MECOM: variants seen among roughly 807,000 people sequenced by gnomAD.
The protein encoded by MECOM is MDS1 and EVI1 complex locus.
MECOM carries 13 observed loss-of-function variants against 116.3 expected under a neutral mutation model. That is an observed-to-expected ratio of 0.11 (90% CI 0.07 to 0.18). The LOEUF is 0.18. MECOM is among the 10% of genes least tolerant of loss of function. MECOM has a pLI of 1.00. For missense variants in MECOM, 1,299 were observed against 1,509.0 expected (o/e 0.86, Z 2.31); for synonymous variants, 528 against 535.2 (o/e 0.99, Z 0.19).
At chr3:169,466,068 A>T (rs1206806303) in intron 1 of MECOM, among the ~76,000 whole-genome samples, 1 of 151,508 alleles carries the variant, frequency 6.6e-6, no homozygotes, top group Non-Finnish European at 1.5e-5. Flanking sequence ...TTTTGTTGCC[A>T]TCTGAACACT....
At position 169,574,856 on chromosome 3, in the gene MECOM, A is replaced by C. The variant is rs111250365; in HGVS notation, c.37+88480T>G. Reference sequence around the variant, plus strand: ...AAAAAAAAAACTTTTCAATTCAATGAGGGGAGGGAGAAAACACAAAACTTG... The same window carrying C: ...AAAAAAAAAACTTTTCAATTCAATGCGGGGAGGGAGAAAACACAAAACTTG... On this transcript the variant is annotated intron_variant, in intron 1 of 16. Transcript: ENST00000651503. 9.2e-3 allele frequency among the ~76,000 whole-genome samples: 1,398 copies of C among 151,940 alleles called. 9 individuals carry two copies. The highest frequency in any genetic ancestry group is 0.024 in the Middle Eastern group (7 of 294).
At position 169,659,943 on chromosome 3, in the gene MECOM, G is replaced by A. The variant is rs568659448; in HGVS notation, c.37+3393C>T. Among the ~76,000 whole-genome samples the A allele has an allele frequency of 2.6e-5, 4 of 152,220 alleles. No individual in the cohort carries two copies. In the South Asian group the frequency reaches 8.3e-4, roughly 32 times the overall value. On this transcript the variant is annotated intron_variant, in intron 1 of 16. Transcript: ENST00000651503. Reference sequence around the variant, plus strand: ...TTGCCGCGGTCTTGCTAATCGCATCGCCTTTTGAGACTTTACGAGACTTCT... The same window carrying A: ...TTGCCGCGGTCTTGCTAATCGCATCACCTTTTGAGACTTTACGAGACTTCT...
intron 1 of MECOM, among the ~76,000 whole-genome samples, chr3:169,627,169 T>C (rs1008582236): frequency 6.6e-6 from 1 of 152,198 alleles, no homozygotes; most frequent in Non-Finnish European, 1.5e-5. Flanking sequence ...ATTGACAGTT[T>C]TACGAGACTG....
chr3:169,107,411 T>G (rs1725790544), intron 10 of MECOM, among the ~76,000 whole-genome samples: 1 of 152,152 alleles, frequency 6.6e-6, no homozygotes, highest in Admixed American at 6.6e-5. Flanking sequence ...ATCCATTCAC[T>G]AGTTACACAT....
At chr3:169,285,500 T>A (rs1713094296) in intron 2 of MECOM, among the ~76,000 whole-genome samples, 1 of 152,232 alleles carries the variant, frequency 6.6e-6, no homozygotes, top group African/African-American at 2.4e-5. Context: ...CAGCTGAATT[T>A]GCATGCAATA....
chr3:169,306,828 C>A (rs572106707), intron 2 of MECOM, among the ~76,000 whole-genome samples: 4 of 152,306 alleles, frequency 2.6e-5, no homozygotes, highest in Non-Finnish European at 5.9e-5. Context: ...AAAGTGTGGG[C>A]AAGGCCTAGG....
At chr3:169,284,599 G>A (rs1196334378) in intron 2 of MECOM, among the ~76,000 whole-genome samples, 1 of 151,838 alleles carries the variant, frequency 6.6e-6, no homozygotes, top group Non-Finnish European at 1.5e-5. Flanking sequence ...ACACAAATGT[G>A]TGTGTATATA....
intron 2 of MECOM, among the ~76,000 whole-genome samples, chr3:169,245,673 TA>T (rs1755492237): frequency 6.6e-6 from 1 of 152,188 alleles, no homozygotes; most frequent in African/African-American, 2.4e-5. Flanking sequence ...CCTCTCCAAG[TA>T]AAAATATGCT....
intron 1 of MECOM, among the ~76,000 whole-genome samples, chr3:169,433,577 G>GA (rs1162381371): frequency 6.4e-5 from 9 of 141,474 alleles, no homozygotes; most frequent in Non-Finnish European, 1.4e-4. Flanking sequence ...AGGAAGGAAG[G>GA]AAAAAAGGAA....
chr3:169,310,845 AT>A (rs1459591349), intron 2 of MECOM, among the ~76,000 whole-genome samples: 1 of 152,180 alleles, frequency 6.6e-6, no homozygotes, highest in East Asian at 1.9e-4. Context: ...TCTTAAAAGG[AT>A]TTTAGACTGC....
chr3:169,303,385 A>G (rs1717115755), intron 2 of MECOM, among the ~76,000 whole-genome samples: 3 of 152,166 alleles, frequency 2.0e-5, no homozygotes, highest in Admixed American at 1.3e-4. Context: ...TTTATTCAAT[A>G]TATGTTTACT....
At chr3:169,265,591 G>A (rs1758177836) in intron 2 of MECOM, among the ~76,000 whole-genome samples, 1 of 152,220 alleles carries the variant, frequency 6.6e-6, no homozygotes, top group South Asian at 2.1e-4. Context: ...TGGAATGAAG[G>A]AGTGTGTGAC....
chr3:169,643,141 G>A (rs962332321), intron 1 of MECOM, among the ~76,000 whole-genome samples: 19 of 152,128 alleles, frequency 1.2e-4, no homozygotes, highest in Admixed American at 1.2e-3. Flanking sequence ...TTATACAAGG[G>A]CAGAAATGTT....
intron 2 of MECOM, among the ~76,000 whole-genome samples, chr3:169,375,100 A>T (rs759896721): frequency 1.9e-4 from 29 of 152,040 alleles, no homozygotes; most frequent in Non-Finnish European, 4.1e-4. Context: ...TTGAGGAATG[A>T]ATAGAAACTT....
At chr3:169,126,014 A>T (rs964176431) in intron 5 of MECOM, among the ~76,000 whole-genome samples, 2 of 152,246 alleles carry the variant, frequency 1.3e-5, no homozygotes, top group African/African-American at 4.8e-5. Context: ...ATTTATAACC[A>T]AAAATACCAG....
At chr3:169,173,481 G>A (rs1744733079) in intron 2 of MECOM, among the ~76,000 whole-genome samples, 1 of 152,080 alleles carries the variant, frequency 6.6e-6, no homozygotes, top group Non-Finnish European at 1.5e-5. Flanking sequence ...TGTCCCAGAG[G>A]CATCTTAAAT....
chr3:169,647,744 G>A (rs555493665), intron 1 of MECOM, among the ~76,000 whole-genome samples: 1 of 152,182 alleles, frequency 6.6e-6, no homozygotes, highest in African/African-American at 2.4e-5. Context: ...GCTGATAAAA[G>A]CTTATACATA....
intron 2 of MECOM, among the ~76,000 whole-genome samples, chr3:169,263,102 T>C (rs1757767557): frequency 1.3e-5 from 1 of 76,942 alleles, no homozygotes; most frequent in African/African-American, 7.4e-5. Context: ...TATATATATA[T>C]ATATATATAT....
intron 10 of MECOM, 53 bp from the exon 11 acceptor site, chr3:169,102,279 A>C: frequency 1.2e-5 from 18 of 1,527,968 alleles, no homozygotes; most frequent in Non-Finnish European, 1.6e-5. Context: ...GTCTTCTATA[A>C]TAATCTCTGG....
Sources: allele counts gnomAD v4.1 joint callset (sites outside exome capture counted in the v4.1 genomes callset), GRCh38; gene constraint gnomAD v4.1.1; transcripts MANE v1.5; gene names NCBI Gene and HGNC (gene_info 2026-07-23, HGNC 2026-07-21).